Variants in RAB10 observed in about 807,000 individuals in gnomAD.
RAB10 encodes the protein RAB10, member RAS oncogene family, also known as ras-related protein Rab-10.
In RAB10, 5 loss-of-function variants were observed where a neutral mutation model predicts 25.7. The observed-to-expected ratio is 0.19, with a 90% CI of 0.10 to 0.41. The LOEUF (loss-of-function observed/expected upper bound fraction) is 0.41, where lower values mean the gene tolerates loss of function less well. RAB10 is among the 10% of genes least tolerant of loss of function. The probability of loss-of-function intolerance (pLI) is 1.00; values close to 1 mark genes in which losing one functional copy is unlikely to be tolerated. For missense variants in RAB10, 103 were observed against 245.8 expected (o/e 0.42, Z 3.89); for synonymous variants, 89 against 86.4 (o/e 1.03, Z -0.16).
chr2:26,082,654 G>A (rs75859518), intron 1 of RAB10, among the ~76,000 whole-genome samples: 1,925 of 152,104 alleles, frequency 0.013, 28 homozygotes, highest in South Asian at 0.039. Flanking sequence ...AGGCCCAAAT[G>A]GCTTCACTGG....
intron 3 of RAB10, among the ~76,000 whole-genome samples, chr2:26,121,586 C>CG (rs910187288): frequency 2.4e-4 from 36 of 151,772 alleles, no homozygotes; most frequent in African/African-American, 4.8e-4. Flanking sequence ...AAATATTGGG[C>CG]GGGGGGGAAA....
chr2:26,105,811 T>G (rs6546766), intron 2 of RAB10, among the ~76,000 whole-genome samples: 1 of 152,006 alleles, frequency 6.6e-6, no homozygotes, highest in Non-Finnish European at 1.5e-5. Context: ...TTCTATGTTT[T>G]GACATATTTA....
intron 1 of RAB10, among the ~76,000 whole-genome samples, chr2:26,054,379 G>A (rs1465209846): frequency 2.7e-5 from 4 of 150,818 alleles, no homozygotes; most frequent in African/African-American, 7.3e-5. Flanking sequence ...TAGTAGAGAC[G>A]GGGTTTCACC....
chr2:26,073,743 T>A (rs1230004094), intron 1 of RAB10, among the ~76,000 whole-genome samples: 1 of 152,172 alleles, frequency 6.6e-6, no homozygotes, highest in Non-Finnish European at 1.5e-5. Context: ...ATTCCTAGTC[T>A]GGTTGCCATA....
chr2:26,067,525 G>A (rs1453743644), intron 1 of RAB10, among the ~76,000 whole-genome samples: 1 of 152,116 alleles, frequency 6.6e-6, no homozygotes, highest in Non-Finnish European at 1.5e-5. Context: ...ATGATGGATG[G>A]GGGCAACAGC....
chr2:26,038,135 C>T (rs182363723), intron 1 of RAB10, among the ~76,000 whole-genome samples: 2,355 of 152,006 alleles, frequency 0.015, 28 homozygotes, highest in Non-Finnish European at 0.025. Context: ...ATCTGCCCGC[C>T]TCAGCGTCTC....
chr2:26,111,231 C>A (rs1029272445), intron 3 of RAB10, among the ~76,000 whole-genome samples: 7 of 152,108 alleles, frequency 4.6e-5, no homozygotes, highest in African/African-American at 1.7e-4. Flanking sequence ...GGTAGCAATC[C>A]TAAGGGCTCA....
intron 1 of RAB10, among the ~76,000 whole-genome samples, chr2:26,087,669 T>G (rs12476190): frequency 6.6e-6 from 1 of 152,022 alleles, no homozygotes; most frequent in South Asian, 2.1e-4. Context: ...CCCAAAATGC[T>G]GGGATTACAG....
intron 1 of RAB10, among the ~76,000 whole-genome samples, chr2:26,036,903 C>T (rs926995936): frequency 2.6e-5 from 4 of 151,990 alleles, no homozygotes; most frequent in African/African-American, 9.7e-5. Context: ...AATTCTGCCT[C>T]AGCTTCCTGA....
intron 1 of RAB10, among the ~76,000 whole-genome samples, chr2:26,096,542 G>A (rs1208639309): frequency 6.6e-6 from 1 of 152,092 alleles, no homozygotes; most frequent in Non-Finnish European, 1.5e-5. Flanking sequence ...TCTTTCTCTA[G>A]TAACTTCTTT....
At chr2:26,126,958 G>A (rs772896195) in intron 3 of RAB10, among the ~76,000 whole-genome samples, 186 bp from the exon 4 acceptor site, 3 of 152,174 alleles carry the variant, frequency 2.0e-5, no homozygotes, top group Non-Finnish European at 2.9e-5. Flanking sequence ...TGGGAATTGC[G>A]TTTCTTTTGC....
chr2:26,074,468 G>T (rs188697301), intron 1 of RAB10, among the ~76,000 whole-genome samples: 40 of 152,140 alleles, frequency 2.6e-4, no homozygotes, highest in Admixed American at 1.2e-3. Context: ...GCTCAGGCTG[G>T]AGTGCAGTGG....
At chr2:26,091,310 A>G (rs868787305) in intron 1 of RAB10, among the ~76,000 whole-genome samples, 1 of 152,180 alleles carries the variant, frequency 6.6e-6, no homozygotes, top group South Asian at 2.1e-4. Flanking sequence ...GTGTTAATAG[A>G]CAATGGGTGG....
At chr2:26,074,452 CTT>C (rs1666690886) in intron 1 of RAB10, among the ~76,000 whole-genome samples, 1 of 152,076 alleles carries the variant, frequency 6.6e-6, no homozygotes, top group Admixed American at 6.6e-5. Flanking sequence ...GAGATTCACT[CTT>C]GTCGCTCAGG....
chr2:26,040,599 A>G (rs1180433129), intron 1 of RAB10, among the ~76,000 whole-genome samples: 1 of 152,096 alleles, frequency 6.6e-6, no homozygotes, highest in Non-Finnish European at 1.5e-5. Flanking sequence ...TCAAAGGTGC[A>G]GTGAGCTCGG....
At chr2:26,034,860 A>G in intron 1 of RAB10, 125 bp downstream of exon 1, 1 of 1,373,148 alleles carries the variant, frequency 7.3e-7, no homozygotes, top group Admixed American at 1.9e-5. Context: ...CGACACATCC[A>G]AGTTACTGTT....
At chr2:26,082,323 T>C (rs1666885993) in intron 1 of RAB10, among the ~76,000 whole-genome samples, 1 of 152,118 alleles carries the variant, frequency 6.6e-6, no homozygotes, top group South Asian at 2.1e-4. Context: ...CTAAAAAATA[T>C]ACTGGGCACA....
At chr2:26,047,780 G>A (rs1017159928) in intron 1 of RAB10, among the ~76,000 whole-genome samples, 8 of 138,424 alleles carry the variant, frequency 5.8e-5, no homozygotes, top group Non-Finnish European at 9.1e-5. Flanking sequence ...CTGGAGTGCA[G>A]TCGCACAATC....
At chr2:26,054,710 C>G (rs867620850) in intron 1 of RAB10, among the ~76,000 whole-genome samples, 1 of 152,182 alleles carries the variant, frequency 6.6e-6, no homozygotes, top group African/African-American at 2.4e-5. Context: ...ACACTCATTA[C>G]GATGAATCCC....
Sources: allele counts gnomAD v4.1 joint callset (sites outside exome capture counted in the v4.1 genomes callset), GRCh38; gene constraint gnomAD v4.1.1; transcripts MANE v1.5; gene names NCBI Gene and HGNC (gene_info 2026-07-23, HGNC 2026-07-21).